Variants in CAPN13 observed in about 807,000 individuals in gnomAD.
The protein encoded by CAPN13 is calpain 13.
CAPN13 carries 90 observed loss-of-function variants against 98.4 expected under a neutral mutation model. The ratio of observed to expected loss-of-function variants is 0.92; its 90% CI spans 0.77 to 1.09. The LOEUF (loss-of-function observed/expected upper bound fraction) is 1.09. Among genes scored for constraint, CAPN13 ranks in the 50% least tolerant of loss-of-function variants. CAPN13 has a pLI of 0.00. For synonymous variants in CAPN13, 330 were observed against 305.5 expected (o/e 1.08, Z -0.84); for missense variants, 887 against 841.3 (o/e 1.05, Z -0.67).
chr2:30,736,241 T>C (rs1215878181), intron 18 of CAPN13, among the ~76,000 whole-genome samples: 1 of 148,786 alleles, frequency 6.7e-6, no homozygotes, highest in East Asian at 2.1e-4. Flanking sequence ...GGGCAGATGC[T>C]AGCAGGTAGC....
intron 2 of CAPN13, 27 bp from the exon 3 acceptor site, chr2:30,777,666 G>T (rs1433118282): frequency 1.3e-6 from 2 of 1,515,470 alleles, no homozygotes; most frequent in African/African-American, 1.4e-5. Context: ...GAAAAGCTAT[G>T]AACATCGTTT....
intron 21 of CAPN13, 82 bp from the exon 22 acceptor site, chr2:30,730,868 C>T: frequency 1.3e-6 from 1 of 771,196 alleles, no homozygotes; most frequent in Non-Finnish European, 2.4e-6. Flanking sequence ...ACCCTCCTCC[C>T]TCGGAAGACC....
chr2:30,764,450 C>T, intron 5 of CAPN13, 144 bp from the exon 6 acceptor site: 1 of 829,896 alleles, frequency 1.2e-6, no homozygotes, highest in Non-Finnish European at 1.9e-6. Flanking sequence ...CTCCCCTTTG[C>T]CTGGATGGAG....
chr2:30,760,184 G>A (rs1246521554), intron 7 of CAPN13, among the ~76,000 whole-genome samples: 1 of 152,218 alleles, frequency 6.6e-6, no homozygotes, highest in African/African-American at 2.4e-5. Flanking sequence ...CCGGGTTCAT[G>A]CCGTCCTCCT....
chr2:30,733,404 G>A (rs1014265102), intron 19 of CAPN13, among the ~76,000 whole-genome samples: 1 of 152,064 alleles, frequency 6.6e-6, no homozygotes, highest in African/African-American at 2.4e-5. Context: ...GCTGCTGAAG[G>A]CTTACTGAAT....
intron 2 of CAPN13, among the ~76,000 whole-genome samples, chr2:30,785,682 A>G (rs1674237346): frequency 6.6e-6 from 1 of 152,198 alleles, no homozygotes; most frequent in Non-Finnish European, 1.5e-5. Context: ...CTTTCTAAAG[A>G]GAAGTGTTAT....
intron 7 of CAPN13, among the ~76,000 whole-genome samples, chr2:30,760,867 C>T (rs897493376): frequency 9.9e-5 from 15 of 152,202 alleles, no homozygotes; most frequent in East Asian, 3.9e-4. Context: ...ACTCCCTGGC[C>T]TCTGACTCTG....
chr2:30,780,687 A>T (rs144196559), intron 2 of CAPN13, among the ~76,000 whole-genome samples: 114 of 152,354 alleles, frequency 7.5e-4, no homozygotes, highest in African/African-American at 2.6e-3. Flanking sequence ...TTTTCATCAA[A>T]GGTGGGCACA....
Position 30,753,188 on chromosome 2 carries a change from G to C in CAPN13, c.952C>G (p.Gln318Glu). The C allele has an allele frequency of 6.2e-7, 1 of 1,613,992 alleles. No homozygotes were observed. Among genetic ancestry groups the C allele is most frequent in the Non-Finnish European group, 8.5e-7 (1 of 1,179,884 alleles). ...GCGATGAATTTCTGTTGGAAATCTT[G>C]ACACGACATCCTGTTAAAAACAGAT... ...REDGEFWMSCQDFQQKFIAMF... is the reference protein window; with the variant it reads ...REDGEFWMSCEDFQQKFIAMF... The change falls in exon 10 of 23, where the codon CAA (glutamine) becomes GAA (glutamate). Residue 318 changes from glutamine to glutamate, a missense_variant. Physicochemically the swap from Gln to Glu is conservative, Grantham distance 29. Transcript: ENST00000295055.
At chr2:30,769,978 G>T (rs1673314625) in intron 5 of CAPN13, among the ~76,000 whole-genome samples, 1 of 152,162 alleles carries the variant, frequency 6.6e-6, no homozygotes, top group African/African-American at 2.4e-5. Flanking sequence ...CTGACTTTCT[G>T]TGAGTCAGAG....
chr2:30,739,884 CT>C (rs899719179), intron 15 of CAPN13, among the ~76,000 whole-genome samples: 3 of 152,108 alleles, frequency 2.0e-5, no homozygotes, highest in African/African-American at 7.2e-5. Context: ...AAAGCTATTC[CT>C]TGGGATTCCC....
chr2:30,738,121 G>A, intron 17 of CAPN13, 114 bp downstream of exon 17: 1 of 1,069,624 alleles, frequency 9.3e-7, no homozygotes, highest in South Asian at 1.3e-5. Flanking sequence ...GGACAGGGAA[G>A]AAGAGAAAAT....
At position 30,738,415 on chromosome 2, in the gene CAPN13, G is replaced by A; in HGVS notation, c.1579C>T (p.Gln527Ter). Reference protein sequence around the residue: ...DATQLQGLLNQELLTGPPGDM... With the variant: ...DATQLQGLLN The stretch of plus-strand genomic sequence containing the variant: ...CTGCTCATACCTGTTAGAAGCTCCT[G>A]GTTGAGAAGGCCCTGAAGCTGGGTG... Residue 527 changes from glutamine (Q) to a stop codon, truncating the protein, a stop_gained, in exon 16 of 23, where the codon CAG (glutamine) becomes TAG (stop). Transcript: ENST00000295055. LOFTEE classifies it high-confidence loss of function. 3 of 1,608,518 alleles carry A rather than the reference G, an allele frequency of 1.9e-6. No individual in the cohort carries two copies. Among genetic ancestry groups the A allele is most frequent in the Non-Finnish European group, 2.5e-6 (3 of 1,177,272 alleles).
chr2:30,741,470 A>C (rs963290086), intron 15 of CAPN13: 25 of 1,008,898 alleles, frequency 2.5e-5, no homozygotes, highest in Non-Finnish European at 3.0e-5. Context: ...CCATTAAGGA[A>C]ATCCTGTGTG....
intron 1 of CAPN13, among the ~76,000 whole-genome samples, chr2:30,796,363 G>A (rs147878231): frequency 2.4e-3 from 372 of 151,856 alleles, no homozygotes; most frequent in Middle Eastern, 0.014. Context: ...ACAGTGCAAC[G>A]TAGCATAGTA....
intron 22 of CAPN13, among the ~76,000 whole-genome samples, chr2:30,724,423 G>A (rs77296886): frequency 0.039 from 5,889 of 152,048 alleles, 198 homozygotes; most frequent in East Asian, 0.14. Context: ...TTCCCCAAAG[G>A]CCACCCCTCC....
intron 4 of CAPN13, among the ~76,000 whole-genome samples, chr2:30,771,407 C>T (rs550943882): frequency 2.6e-5 from 4 of 152,166 alleles, no homozygotes; most frequent in East Asian, 1.9e-4. Flanking sequence ...TGCATCCAGC[C>T]GAGGATGCAA....
At chr2:30,788,080 A>G (rs909304170) in intron 1 of CAPN13, among the ~76,000 whole-genome samples, 7 of 152,070 alleles carry the variant, frequency 4.6e-5, no homozygotes, top group African/African-American at 1.7e-4. Context: ...AGAATTGAAT[A>G]TGGGGGATAG....
rs79883652 is a variant in CAPN13, at chr2:30,788,247, A to G, written c.-32-890T>C. On this transcript the variant is annotated intron_variant, in intron 1 of 22. Transcript: ENST00000295055. The stretch of plus-strand genomic sequence containing the variant: ...TTCTCCACCTGTATGGATTGAAGCT[A>G]TGAATCTCATAGGTTTGTTATGATA... Among the ~76,000 whole-genome samples the G allele has an allele frequency of 6.4e-3, 976 of 152,332 alleles. 7 individuals are homozygous for G. The highest frequency in any genetic ancestry group is 0.022 in the African/African-American group (925 of 41,554).
Sources: allele counts gnomAD v4.1 joint callset (sites outside exome capture counted in the v4.1 genomes callset), GRCh38; gene constraint gnomAD v4.1.1; transcripts MANE v1.5; gene names NCBI Gene and HGNC (gene_info 2026-07-23, HGNC 2026-07-21).